The following PPP6R3 variants were observed in gnomAD, a reference collection of about 807,000 sequenced individuals.
The protein encoded by PPP6R3 is serine/threonine-protein phosphatase 6 regulatory subunit 3.
PPP6R3 carries 38 observed loss-of-function variants against 110.7 expected under a neutral mutation model. That is an observed-to-expected ratio of 0.34 (90% CI 0.26 to 0.45). The LOEUF is 0.45. Ranked by LOEUF, PPP6R3 falls within the 20% of genes least tolerant of loss-of-function variation. The pLI is 1.00. For missense variants in PPP6R3, 870 were observed against 1,062.4 expected (o/e 0.82, Z 2.52); for synonymous variants, 369 against 373.5 (o/e 0.99, Z 0.14).
chr11:68,463,355 G>GAAAAAAAAAAAAAAAAAAAAAAAA (rs1156285158), intron 1 of PPP6R3, among the ~76,000 whole-genome samples: 1 of 54,626 alleles, frequency 1.8e-5, no homozygotes, highest in Non-Finnish European at 3.5e-5. Context: ...CTCAGTCTCA[G>GAAAAAAAAAAAAAAAAAAAAAAAA]AAAAAAAAAA....
intron 22 of PPP6R3, among the ~76,000 whole-genome samples, chr11:68,604,449 T>G (rs764528914): frequency 4.6e-5 from 7 of 152,274 alleles, no homozygotes; most frequent in Non-Finnish European, 1.0e-4. Context: ...TAGAGTAGAC[T>G]TGATTCTTCA....
chr11:68,519,260 T>G (rs780045214), intron 1 of PPP6R3, among the ~76,000 whole-genome samples: 4 of 152,254 alleles, frequency 2.6e-5, no homozygotes, highest in Non-Finnish European at 4.4e-5. Context: ...AGTGCTATTA[T>G]GACATCTGTA....
chr11:68,574,302 A>G (rs913208476), intron 13 of PPP6R3, 78 bp downstream of exon 13: 1 of 1,101,862 alleles, frequency 9.1e-7, no homozygotes, highest in Non-Finnish European at 1.4e-6. Flanking sequence ...AAATGCATGT[A>G]GCATTTTTAA....
At chr11:68,512,598 A>G (rs2099116321) in intron 1 of PPP6R3, among the ~76,000 whole-genome samples, 1 of 152,166 alleles carries the variant, frequency 6.6e-6, no homozygotes, top group Non-Finnish European at 1.5e-5. Flanking sequence ...TTATTCGTAA[A>G]TTAAGTATGG....
rs1020715264 is a variant in PPP6R3, at chr11:68,614,955, C to T, written c.*1838C>T. 2.4e-5 allele frequency: 15 copies of T among 613,138 alleles called. No individual in the cohort carries two copies. In the East Asian group the frequency reaches 3.2e-4, roughly 13 times the overall value. The allele number at this position is 613,138 out of a possible 1,614,324, so 38.0% of individuals were successfully genotyped here. A position where few individuals can be genotyped will look rare whatever the true frequency, so the allele number is the denominator to read the frequency against. On this transcript the variant is annotated 3_prime_UTR_variant, in exon 24 of 24. Coordinates refer to ENST00000393800, the MANE Select transcript of PPP6R3 (RefSeq NM_001164161.2). ...TTGGCTCCACTGGTGGCACACGTGGCCTCCGTGGTATGGACCTGGTGGCTT... is the reference window on the plus strand; with the variant it reads ...TTGGCTCCACTGGTGGCACACGTGGTCTCCGTGGTATGGACCTGGTGGCTT...
chr11:68,464,731 A>G (rs1312759442), intron 1 of PPP6R3, among the ~76,000 whole-genome samples: 1 of 152,180 alleles, frequency 6.6e-6, no homozygotes, highest in African/African-American at 2.4e-5. Context: ...AAAATACATT[A>G]CCATACTGTG....
intron 1 of PPP6R3, among the ~76,000 whole-genome samples, chr11:68,490,127 A>G (rs555168721): frequency 2.0e-5 from 3 of 152,244 alleles, no homozygotes; most frequent in South Asian, 4.1e-4. Context: ...AATTTTGGCA[A>G]CATAGGTTTC....
chr11:68,605,615 T>C (rs1939225361), intron 22 of PPP6R3, among the ~76,000 whole-genome samples: 1 of 152,188 alleles, frequency 6.6e-6, no homozygotes, highest in African/African-American at 2.4e-5. Context: ...AGCCAAACCA[T>C]AAAGGAAAAT....
At chr11:68,587,696 GT>G in intron 15 of PPP6R3, 4 of 591,576 alleles carry the variant, frequency 6.8e-6, no homozygotes, top group Admixed American at 2.6e-5. Context: ...GTCACATAGT[GT>G]TTCTTACAGT....
In PPP6R3 at chr11:68,590,655, TAC is replaced by T; in HGVS notation, c.1731-3_1731-2del. On this transcript the variant is annotated splice_polypyrimidine_tract_variant and splice_region_variant and intron_variant, in intron 16 of 23. Transcript: ENST00000393800. ...TTCCTACACTTTTATTTTGTTTTTT[TAC>T]AGTGTTTCTTTTGATCGAGTATCAG... 6.3e-7 allele frequency: 1 copy of T among 1,580,986 alleles called. No individual in the cohort carries two copies. Among genetic ancestry groups the T allele is most frequent in the Non-Finnish European group, 8.6e-7 (1 of 1,157,682 alleles).
chr11:68,477,461 C>G (rs1488777439), intron 1 of PPP6R3, among the ~76,000 whole-genome samples: 1 of 151,894 alleles, frequency 6.6e-6, no homozygotes, highest in African/African-American at 2.4e-5. Flanking sequence ...TGACTTATGC[C>G]TGTTATCCCG....
rs562967661 is a variant in PPP6R3 at position 68,519,907 on chromosome 11, AT to A, written c.-7+257del. On this transcript the variant is annotated intron_variant, in intron 2 of 23. Coordinates refer to ENST00000393800, the MANE Select transcript of PPP6R3 (RefSeq NM_001164161.2). ...TAGGGGGTTATTGAGAGGGGCGCCA[AT>A]GACCAGCCAGGCCTAGTAAGCTGAA... is the stretch of plus-strand genomic sequence containing the variant. Among the ~76,000 whole-genome samples the A allele has an allele frequency of 5.4e-3, 827 of 152,280 alleles. 4 individuals carry two copies. The highest frequency in any genetic ancestry group is 8.1e-3 in the Non-Finnish European group (553 of 68,024).
intron 1 of PPP6R3, among the ~76,000 whole-genome samples, chr11:68,472,499 T>A (rs1203852357): frequency 1.3e-5 from 2 of 152,146 alleles, no homozygotes; most frequent in Non-Finnish European, 2.9e-5. Context: ...CAAATTGTTT[T>A]CCAAAATGAT....
intron 2 of PPP6R3, among the ~76,000 whole-genome samples, chr11:68,529,860 G>T (rs887625736): frequency 6.6e-6 from 1 of 152,156 alleles, no homozygotes; most frequent in African/African-American, 2.4e-5. Flanking sequence ...CATCGTTAGT[G>T]ATTGTAGCTG....
intron 3 of PPP6R3, among the ~76,000 whole-genome samples, chr11:68,540,130 CT>C (rs2099304225): frequency 6.6e-6 from 1 of 152,220 alleles, no homozygotes; most frequent in African/African-American, 2.4e-5. Context: ...AGCCAGGATG[CT>C]TGCTATACTT....
At chr11:68,608,409 G>A (rs886781661) in intron 22 of PPP6R3, among the ~76,000 whole-genome samples, 1 of 152,266 alleles carries the variant, frequency 6.6e-6, no homozygotes, top group Admixed American at 6.5e-5. Flanking sequence ...GGTGGATGAT[G>A]TTGAGTGGCG....
intron 6 of PPP6R3, among the ~76,000 whole-genome samples, chr11:68,552,181 G>A (rs2099383961): frequency 6.6e-6 from 1 of 152,174 alleles, no homozygotes; most frequent in Non-Finnish European, 1.5e-5. Context: ...GTTCTCTATG[G>A]TTCAGCCTAA....
Position 68,603,192 on chromosome 11 carries a change from G to A in PPP6R3, c.2300-150G>A, listed in dbSNP as rs187398631. The A allele has an allele frequency of 4.4e-5, 43 of 978,320 alleles. No homozygotes were observed. In the African/African-American group the frequency reaches 6.7e-4, roughly 15 times the overall value. 60.6% of individuals were successfully genotyped at this position (978,320 alleles called of 1,614,324 possible). Reference sequence around the variant, plus strand: ...TAAGAAGTCTCTCCCCATCAAGAATGTGGCCCAGACAACAGCAGGCAGAAG... The same window carrying A: ...TAAGAAGTCTCTCCCCATCAAGAATATGGCCCAGACAACAGCAGGCAGAAG... On this transcript the variant is annotated intron_variant, in intron 21 of 23. Transcript: ENST00000393800.
At chr11:68,606,538 A>G (rs1433508313) in intron 22 of PPP6R3, among the ~76,000 whole-genome samples, 8 of 149,774 alleles carry the variant, frequency 5.3e-5, no homozygotes, top group Admixed American at 5.3e-4. Context: ...CTGGTCTCAA[A>G]CTCCTGAGCT....
Sources: gnomAD v4.1 joint callset for allele counts (sites outside exome capture counted in the v4.1 genomes callset) on GRCh38, gnomAD v4.1.1 for gene constraint, MANE v1.5 for transcripts, NCBI Gene and HGNC (gene_info 2026-07-23, HGNC 2026-07-21) for gene names.